COL26A1: variants seen among roughly 807,000 people sequenced by gnomAD.
COL26A1 encodes the protein collagen alpha-1(XXVI) chain.
A neutral mutation model predicts 59.3 loss-of-function variants in COL26A1; 41 were observed. The observed-to-expected ratio is 0.69, with a 90% CI of 0.54 to 0.90. COL26A1 has a LOEUF of 0.90. Ranked by LOEUF, COL26A1 falls within the 40% of genes least tolerant of loss-of-function variation. COL26A1 has a pLI of 0.00. For synonymous variants in COL26A1, 266 were observed against 256.0 expected (o/e 1.04, Z -0.37); for missense variants, 612 against 602.3 (o/e 1.02, Z -0.17).
chr7:101,483,807 TG>T (rs1794207691), intron 3 of COL26A1, among the ~76,000 whole-genome samples: 1 of 152,004 alleles, frequency 6.6e-6, no homozygotes, highest in Non-Finnish European at 1.5e-5. Context: ...CCCGAGTAGC[TG>T]GGATTACAGG....
chr7:101,483,711 G>A (rs1020327182), intron 3 of COL26A1, among the ~76,000 whole-genome samples: 9 of 148,314 alleles, frequency 6.1e-5, no homozygotes, highest in African/African-American at 2.3e-4. Context: ...TCTCATTGTC[G>A]CCCAGGCTGC....
intron 1 of COL26A1, among the ~76,000 whole-genome samples, chr7:101,405,387 G>A (rs1033842330): frequency 6.6e-6 from 1 of 151,046 alleles, no homozygotes; most frequent in Non-Finnish European, 1.5e-5. Flanking sequence ...AGGCCAGATC[G>A]CAGTGGTACA....
At chr7:101,515,941 G>A (rs969605179) in intron 3 of COL26A1, among the ~76,000 whole-genome samples, 4 of 152,154 alleles carry the variant, frequency 2.6e-5, no homozygotes, top group Non-Finnish European at 5.9e-5. Context: ...GTCCTTCACT[G>A]TGGGGACAGA....
rs60734069 is a variant in COL26A1 at position 101,541,508 on chromosome 7, C to CTT, written c.604+1474_604+1475dup. Among the ~76,000 whole-genome samples, 108 of 137,034 alleles carry CTT rather than the reference C, an allele frequency of 7.9e-4. 1 individual carries two copies. Among genetic ancestry groups the CTT allele is most frequent in the Admixed American group, 1.8e-3 (24 of 13,494 alleles). The allele number at this position is 137,034 out of a possible 152,430, so 89.9% of individuals were successfully genotyped here. The stretch of plus-strand genomic sequence containing the variant: ...TACGAGTGCACACCACCACACTTGG[C>CTT]TTTTTTTTTTTTTTTTAATTTTTAG... On this transcript the variant is annotated intron_variant, in intron 5 of 12. Coordinates refer to ENST00000313669, the MANE Select transcript of COL26A1 (RefSeq NM_001278563.3).
At chr7:101,552,438 A>AC (rs1380520381) in intron 10 of COL26A1, among the ~76,000 whole-genome samples, 7 of 152,036 alleles carry the variant, frequency 4.6e-5, no homozygotes, top group South Asian at 4.2e-4. Flanking sequence ...AGTGAGACCC[A>AC]CCCCCATCTC....
At chr7:101,465,792 C>T (rs10276579) in intron 3 of COL26A1, among the ~76,000 whole-genome samples, 12,550 of 152,032 alleles carry the variant, frequency 0.083, 758 homozygotes, top group East Asian at 0.3. Context: ...CCCATGTAAC[C>T]GGAAACCCAT....
chr7:101,475,852 C>T (rs1794026481), intron 3 of COL26A1, among the ~76,000 whole-genome samples: 1 of 136,344 alleles, frequency 7.3e-6, no homozygotes, highest in Non-Finnish European at 1.7e-5. Context: ...TTCTTTCTCT[C>T]TCTCTTTTTC....
intron 3 of COL26A1, among the ~76,000 whole-genome samples, chr7:101,525,683 A>G (rs913182602): frequency 1.7e-4 from 26 of 150,706 alleles, no homozygotes; most frequent in Non-Finnish European, 3.4e-4. Flanking sequence ...TTTTTAGTAG[A>G]GACGGGGTTT....
chr7:101,425,746 ATCGGCCTCCC>A (rs1292125838), intron 2 of COL26A1, among the ~76,000 whole-genome samples: 2 of 151,402 alleles, frequency 1.3e-5, no homozygotes, highest in Non-Finnish European at 2.9e-5. Context: ...ACCTCAAATG[ATCGGCCTCCC>A]TCGGCCTCCC....
intron 3 of COL26A1, among the ~76,000 whole-genome samples, chr7:101,514,825 C>T (rs933491836): frequency 6.6e-6 from 1 of 152,226 alleles, no homozygotes; most frequent in Non-Finnish European, 1.5e-5. Flanking sequence ...TCCAGCTACC[C>T]ATCCGCCACC....
intron 3 of COL26A1, among the ~76,000 whole-genome samples, chr7:101,510,698 G>A (rs1051463908): frequency 1.3e-5 from 2 of 151,750 alleles, no homozygotes; most frequent in African/African-American, 4.8e-5. Flanking sequence ...TGTAGAGAAT[G>A]AGGCTGGGAG....
chr7:101,390,258 C>G (rs571496662), intron 1 of COL26A1, among the ~76,000 whole-genome samples: 4 of 142,354 alleles, frequency 2.8e-5, no homozygotes, highest in African/African-American at 1.0e-4. Flanking sequence ...TGGGTTCAAG[C>G]GATTCTCCTG....
At chr7:101,380,869 G>A (rs530824486) in intron 1 of COL26A1, among the ~76,000 whole-genome samples, 2 of 152,136 alleles carry the variant, frequency 1.3e-5, no homozygotes, top group Non-Finnish European at 1.5e-5. Flanking sequence ...CATAACTAAC[G>A]AATTGATAAT....
chr7:101,468,279 G>A (rs1262294590), intron 3 of COL26A1, among the ~76,000 whole-genome samples: 1 of 151,232 alleles, frequency 6.6e-6, no homozygotes, highest in Non-Finnish European at 1.5e-5. Context: ...TCCAGCCTGG[G>A]CAACAGAGCA....
intron 3 of COL26A1, among the ~76,000 whole-genome samples, chr7:101,462,606 C>T (rs1021867308): frequency 1.3e-5 from 2 of 152,178 alleles, no homozygotes; most frequent in Admixed American, 6.5e-5. Flanking sequence ...CGTGAGCCAC[C>T]GTGCCCGGCC....
chr7:101,437,308 T>C (rs1792938791), intron 2 of COL26A1, among the ~76,000 whole-genome samples: 1 of 151,696 alleles, frequency 6.6e-6, no homozygotes, highest in Admixed American at 6.6e-5. Flanking sequence ...TTCACTGAGC[T>C]CTGGGAGGCT....
At chr7:101,400,353 A>T (rs55932051) in intron 1 of COL26A1, among the ~76,000 whole-genome samples, 47,334 of 98,094 alleles carry the variant, frequency 0.48, 12,881 homozygotes, top group Middle Eastern at 0.68. Flanking sequence ...TTTTTTTCCT[A>T]TTTTTTTTTT....
chr7:101,428,578 C>T lies in COL26A1; in HGVS notation c.281+8479C>T, dbSNP rs73396725. ...GTCAGTTCAAGGTTGGACAGGCAGT[C>T]GCTGGGTAGATGTAAATATATTTTT... On this transcript the variant is annotated intron_variant, in intron 2 of 12. Transcript: ENST00000313669. 7.1e-3 allele frequency among the ~76,000 whole-genome samples: 1,078 copies of T among 152,142 alleles called. 9 individuals carry two copies. Among genetic ancestry groups the T allele is most frequent in the African/African-American group, 0.025 (1,020 of 41,506 alleles).
intron 1 of COL26A1, among the ~76,000 whole-genome samples, chr7:101,394,417 G>GT (rs538328865): frequency 2.0e-5 from 3 of 151,100 alleles, no homozygotes; most frequent in Non-Finnish European, 3.0e-5. Flanking sequence ...GGTTTTGTTT[G>GT]TTTTTTAGAG....
Sources: gnomAD v4.1 joint callset for allele counts (sites outside exome capture counted in the v4.1 genomes callset) on GRCh38, gnomAD v4.1.1 for gene constraint, MANE v1.5 for transcripts, NCBI Gene and HGNC (gene_info 2026-07-23, HGNC 2026-07-21) for gene names.